The following VPS8 variants were observed in gnomAD, a reference collection of about 807,000 sequenced individuals.
The protein encoded by VPS8 is vacuolar protein sorting-associated protein 8 homolog.
VPS8 carries 129 observed loss-of-function variants against 216.4 expected under a neutral mutation model. That is an observed-to-expected ratio of 0.60 (90% confidence interval 0.52 to 0.69). The LOEUF (loss-of-function observed/expected upper bound fraction) is 0.69, where lower values mean the gene tolerates loss of function less well. Ranked by LOEUF, VPS8 falls within the 30% of genes least tolerant of loss-of-function variation. The pLI is 0.00. For synonymous variants in VPS8, 571 were observed against 565.4 expected, an observed-to-expected ratio of 1.01 and a Z score of -0.14; for missense variants, 1,531 against 1,683.5, an observed-to-expected ratio of 0.91 and a Z score of 1.59.
intron 29 of VPS8, chr3:184,922,313 G>C: frequency 2.6e-6 from 1 of 381,646 alleles, no homozygotes; most frequent in Non-Finnish European, 5.2e-6. Context: ...GCACACTGTA[G>C]TGTCATGTTT....
chr3:184,854,411 G>C (rs1724858834), intron 13 of VPS8, among the ~76,000 whole-genome samples: 1 of 152,162 alleles, frequency 6.6e-6, no homozygotes, highest in Non-Finnish European at 1.5e-5. Flanking sequence ...ATCACTTTAA[G>C]CTTTTCTCTC....
At chr3:184,899,661 T>C (rs1273900781) in intron 24 of VPS8, among the ~76,000 whole-genome samples, 1 of 152,170 alleles carries the variant, frequency 6.6e-6, no homozygotes, top group African/African-American at 2.4e-5. Context: ...TGAAAAAGAC[T>C]CATCAGCTGC....
chr3:185,004,530 GC>G (rs1203639117), intron 45 of VPS8, among the ~76,000 whole-genome samples: 6 of 28,570 alleles, frequency 2.1e-4, no homozygotes, highest in East Asian at 2.0e-3. Flanking sequence ...GAGAGGGAGA[GC>G]TCTTTTTTAT....
At chr3:185,036,518 C>A (rs940696930) in intron 46 of VPS8, among the ~76,000 whole-genome samples, 10 of 151,926 alleles carry the variant, frequency 6.6e-5, no homozygotes, top group African/African-American at 2.4e-4. Context: ...GAAAGGACTC[C>A]CTATTTAATA....
At position 184,940,179 on chromosome 3, in the gene VPS8, T is replaced by A. The variant is rs550584944; in HGVS notation, c.2989-18T>A. The A allele has an allele frequency of 1.2e-5, 18 of 1,456,822 alleles. No homozygotes were observed. In the African/African-American group the frequency reaches 2.3e-4, roughly 18 times the overall value. The allele number at this position is 1,456,822 out of a possible 1,614,324, so 90.2% of individuals were successfully genotyped here. A position where few individuals can be genotyped will look rare whatever the true frequency, so the allele number is the denominator to read the frequency against. On this transcript the variant is annotated intron_variant, in intron 35 of 47. Coordinates refer to ENST00000625842, the MANE Select transcript of VPS8 (RefSeq NM_001009921.3). ...TGTTTTAATATTTAATTGTAATTTT[T>A]ATTGTTTTTCTGTTCAGAACCAGGT... is the stretch of plus-strand genomic sequence containing the variant.
At position 184,966,898 on chromosome 3, in the gene VPS8, A is replaced by T. The variant is rs373044837; in HGVS notation, c.3316+185A>T. Among the ~76,000 whole-genome samples, 20 of 152,312 alleles carry T rather than the reference A, an allele frequency of 1.3e-4. No homozygotes were observed. In the East Asian group the frequency reaches 2.1e-3, roughly 16 times the overall value. On this transcript the variant is annotated intron_variant, in intron 39 of 47. Coordinates refer to ENST00000625842, the MANE Select transcript of VPS8 (RefSeq NM_001009921.3). ...AGAGTTCACAACAGGAAATCATAGA[A>T]ACCATTGTGGCTTTGTGATGTTAAT...
At chr3:184,974,157 A>G (rs1015794224) in intron 40 of VPS8, among the ~76,000 whole-genome samples, 1 of 152,174 alleles carries the variant, frequency 6.6e-6, no homozygotes, top group African/African-American at 2.4e-5. Flanking sequence ...ACTAATTTAC[A>G]TGCTCACCAA....
In VPS8 at chr3:184,964,534, G is replaced by A; in HGVS notation, c.3250G>A (p.Gly1084Ser). The A allele has an allele frequency of 2.6e-6, 4 of 1,516,494 alleles. No individual in the cohort carries two copies. Among genetic ancestry groups the A allele is most frequent in the Non-Finnish European group, 2.7e-6 (3 of 1,126,368 alleles). The allele number at this position is 1,516,494 out of a possible 1,614,324, so 93.9% of individuals were successfully genotyped here. The change falls in exon 38 of 48, where the codon GGT becomes AGT. Residue 1084 changes from glycine (G) to serine (S), a missense_variant. Around this residue, in one of 3 missense-constraint regions of VPS8, gnomAD observed 1,318 missense variants for 1,468.4 expected, o/e 0.90. Coordinates refer to ENST00000625842, the MANE Select transcript of VPS8 (RefSeq NM_001009921.3). Reference protein sequence around the residue: ...YLLEKKGDIHGAFLIMLERLQ... With the variant: ...YLLEKKGDIHSAFLIMLERLQ... ...ATTGGAAAAGAAAGGAGATATTCAT[G>A]GTGCCTTCCTAATAATGTTAGAGGT...
intron 39 of VPS8, among the ~76,000 whole-genome samples, chr3:184,970,899 G>A (rs1277813754): frequency 6.6e-6 from 1 of 152,198 alleles, no homozygotes; most frequent in African/African-American, 2.4e-5. Context: ...TCATATGCAA[G>A]CACAGAAGTA....
rs929715803 is a variant in VPS8, at chr3:184,812,237, C to T, written c.-89+12C>T. On this transcript the variant is annotated intron_variant, in intron 1 of 47. Transcript: ENST00000625842. The stretch of plus-strand genomic sequence containing the variant: ...GGCAGCAAGCTCAGGTAACGAGTTT[C>T]CAGAGAGCGGGCCCGTGGAAGGAGA... 1 of 152,368 alleles carries T rather than the reference C, an allele frequency of 6.6e-6. No individual in the cohort carries two copies. The highest frequency in any genetic ancestry group is 2.4e-5 in the African/African-American group (1 of 41,452). 9.4% of individuals were successfully genotyped at this position (152,368 alleles called of 1,614,324 possible).
rs1715249932 is a variant in VPS8 at position 184,812,184 on chromosome 3, A to G, written c.-130A>G. The G allele has an allele frequency of 6.6e-6, 1 of 152,446 alleles. No homozygotes were observed. The highest frequency in any genetic ancestry group is 6.5e-5 in the Admixed American group (1 of 15,288). The allele number at this position is 152,446 out of a possible 1,614,324, so 9.4% of individuals were successfully genotyped here. ...TGAGGCTAGAGCAGTGGGTGCGGTC[A>G]CGTGGGCCGGCGGTCCACGGCCGGA... is the stretch of plus-strand genomic sequence containing the variant. On this transcript the variant is annotated 5_prime_UTR_variant, in exon 1 of 48. Transcript: ENST00000625842.
chr3:184,959,857 A>G (rs1290209728), intron 37 of VPS8, among the ~76,000 whole-genome samples: 1 of 147,456 alleles, frequency 6.8e-6, no homozygotes, highest in Non-Finnish European at 1.5e-5. Context: ...TTTTTATTAT[A>G]CTTTAAGTTC....
At chr3:184,856,889 A>G (rs968418098) in intron 14 of VPS8, among the ~76,000 whole-genome samples, 1 of 152,112 alleles carries the variant, frequency 6.6e-6, no homozygotes, top group African/African-American at 2.4e-5. Flanking sequence ...TTAAAAAAAA[A>G]CAAAAGAGGG....
chr3:184,832,835 A>G lies in VPS8; in HGVS notation c.353+16A>G. On this transcript the variant is annotated intron_variant, in intron 4 of 47. Transcript: ENST00000625842. ...ACTTAAAAAGGTAGGTATTCATGTC[A>G]ATCATACTTGCTTACAGTTGAAGTA... The G allele has an allele frequency of 6.2e-7, 1 of 1,600,958 alleles. No individual in the cohort carries two copies. The highest frequency in any genetic ancestry group is 8.5e-7 in the Non-Finnish European group (1 of 1,173,390).
chr3:184,893,284 A>T (rs994342716), intron 22 of VPS8: 18 of 1,288,138 alleles, frequency 1.4e-5, no homozygotes, highest in Non-Finnish European at 1.8e-5. Flanking sequence ...AGCTTCCTTG[A>T]TGTTTTTGTG....
chr3:184,929,249 A>G (rs960964558), intron 32 of VPS8, among the ~76,000 whole-genome samples: 2 of 152,096 alleles, frequency 1.3e-5, no homozygotes, highest in Non-Finnish European at 2.9e-5. Flanking sequence ...GCTGGAGTGC[A>G]GTGGTGCGAT....
At chr3:185,040,977 C>T (rs746994300) in intron 46 of VPS8, among the ~76,000 whole-genome samples, 3 of 152,052 alleles carry the variant, frequency 2.0e-5, no homozygotes, top group Non-Finnish European at 4.4e-5. Flanking sequence ...CCAAGGCGGG[C>T]AGAATACCTG....
At chr3:185,001,655 C>A (rs1753441772) in intron 45 of VPS8, among the ~76,000 whole-genome samples, 1 of 152,048 alleles carries the variant, frequency 6.6e-6, no homozygotes, top group Non-Finnish European at 1.5e-5. Flanking sequence ...TATGATTGAG[C>A]TCAATCTCCA....
intron 1 of VPS8, among the ~76,000 whole-genome samples, chr3:184,822,152 T>A (rs1577713002): frequency 6.6e-6 from 1 of 152,080 alleles, no homozygotes; most frequent in Non-Finnish European, 1.5e-5. Context: ...ATTTATTTTA[T>A]TTTTTGGGGG....
Sources: gnomAD v4.1 joint callset for allele counts (sites outside exome capture counted in the v4.1 genomes callset) on GRCh38, gnomAD v4.1.1 for gene constraint, gnomAD v4.1.1 regional missense constraint, MANE v1.5 for transcripts, NCBI Gene and HGNC (gene_info 2026-07-23, HGNC 2026-07-21) for gene names.